RAB3C: variants seen among roughly 807,000 people sequenced by gnomAD.
The protein encoded by RAB3C is ras-related protein Rab-3C.
In RAB3C, 17 loss-of-function variants were observed where a neutral mutation model predicts 26.4. The ratio of observed to expected loss-of-function variants is 0.64; its 90% CI spans 0.44 to 0.97. The LOEUF is 0.97. RAB3C is among the 50% of genes least tolerant of loss of function. RAB3C has a pLI of 0.00. For missense variants in RAB3C, 242 were observed against 281.9 expected (o/e 0.86, Z 1.01); for synonymous variants, 91 against 95.9 (o/e 0.95, Z 0.30).
chr5:58,767,492 C>A (rs1741930585), intron 3 of RAB3C, among the ~76,000 whole-genome samples: 1 of 152,154 alleles, frequency 6.6e-6, no homozygotes, highest in Admixed American at 6.5e-5. Flanking sequence ...AAATCACAGT[C>A]CTTGCTGAAT....
At chr5:58,633,906 G>A (rs1747236543) in intron 2 of RAB3C, among the ~76,000 whole-genome samples, 1 of 151,998 alleles carries the variant, frequency 6.6e-6, no homozygotes, top group Non-Finnish European at 1.5e-5. Context: ...GCCGAGGTGG[G>A]CGGATCATGA....
intron 4 of RAB3C, among the ~76,000 whole-genome samples, chr5:58,842,905 T>C (rs1348225106): frequency 6.6e-6 from 1 of 152,186 alleles, no homozygotes; most frequent in Non-Finnish European, 1.5e-5. Context: ...TTAGAAAGGA[T>C]AAGAAATCCC....
intron 3 of RAB3C, among the ~76,000 whole-genome samples, chr5:58,805,540 G>A (rs565901451): frequency 1.1e-4 from 16 of 140,364 alleles, no homozygotes; most frequent in South Asian, 4.5e-4. Context: ...AGCTGAGATC[G>A]CGCCACTGCA....
intron 1 of RAB3C, among the ~76,000 whole-genome samples, chr5:58,605,179 C>G (rs946121748): frequency 1.4e-4 from 21 of 152,164 alleles, no homozygotes; most frequent in African/African-American, 4.8e-4. Context: ...CTCCTGGGTC[C>G]TGCAGGAGCA....
chr5:58,793,501 G>A (rs1222376513), intron 3 of RAB3C, among the ~76,000 whole-genome samples: 1 of 145,382 alleles, frequency 6.9e-6, no homozygotes, highest in African/African-American at 2.6e-5. Flanking sequence ...AGGTTGCAGT[G>A]AGCCAAGATC....
intron 3 of RAB3C, among the ~76,000 whole-genome samples, chr5:58,781,937 T>A (rs558505077): frequency 6.6e-5 from 10 of 152,304 alleles, no homozygotes; most frequent in Admixed American, 6.5e-4. Flanking sequence ...TACATAAATT[T>A]TTTTTTGATT....
Position 58,734,766 on chromosome 5 carries a change from C to CA in RAB3C, c.371+8652dup, listed in dbSNP as rs112816825. 6.2e-3 allele frequency among the ~76,000 whole-genome samples: 949 copies of CA among 152,252 alleles called. 7 individuals carry two copies. The highest frequency in any genetic ancestry group is 0.02 in the African/African-American group (842 of 41,558). ...TTCTCAGACTGCACACCCAGTTCTT[C>CA]AAAAAATACTGTTATATCTTGGGTC... On this transcript the variant is annotated intron_variant, in intron 3 of 4. Transcript: ENST00000282878.
At chr5:58,795,343 T>C (rs1350820659) in intron 3 of RAB3C, among the ~76,000 whole-genome samples, 1 of 152,156 alleles carries the variant, frequency 6.6e-6, no homozygotes, top group East Asian at 1.9e-4. Flanking sequence ...TAGAATACTA[T>C]GGGTTTCCCA....
intron 3 of RAB3C, among the ~76,000 whole-genome samples, chr5:58,811,699 AC>A (rs1743094982): frequency 6.9e-6 from 1 of 145,230 alleles, no homozygotes; most frequent in African/African-American, 2.6e-5. Flanking sequence ...ACCATGTCCC[AC>A]CCCCTTTCTC....
rs950300126 is a variant in RAB3C at position 58,856,167 on chromosome 5, G to A, written c.*4816G>A. On this transcript the variant is annotated 3_prime_UTR_variant, in exon 5 of 5. Transcript: ENST00000282878. Reference sequence around the variant, plus strand: ...AAAAGGGAGCTTTTACTATGTTCCAGCTATAACTCACATCTTACTTATAAG... The same window carrying A: ...AAAAGGGAGCTTTTACTATGTTCCAACTATAACTCACATCTTACTTATAAG... 2.6e-5 allele frequency: 4 copies of A among 152,006 alleles called. No homozygotes were observed. The highest frequency in any genetic ancestry group is 9.6e-5 in the African/African-American group (4 of 41,454). 9.4% of individuals were successfully genotyped at this position (152,006 alleles called of 1,614,324 possible). A position where few individuals can be genotyped will look rare whatever the true frequency, so the allele number is the denominator to read the frequency against.
At chr5:58,757,735 T>A (rs1741705603) in intron 3 of RAB3C, among the ~76,000 whole-genome samples, 1 of 152,248 alleles carries the variant, frequency 6.6e-6, no homozygotes, top group East Asian at 1.9e-4. Context: ...GTTTAAAACA[T>A]GCTAGTATCT....
chr5:58,606,565 T>G (rs1261331389), intron 1 of RAB3C, among the ~76,000 whole-genome samples: 2 of 152,152 alleles, frequency 1.3e-5, no homozygotes, highest in Non-Finnish European at 2.9e-5. Context: ...GGGTTTGAGC[T>G]CTGAGAATGG....
chr5:58,655,214 G>A (rs1747742278), intron 2 of RAB3C, among the ~76,000 whole-genome samples: 1 of 152,076 alleles, frequency 6.6e-6, no homozygotes, highest in African/African-American at 2.4e-5. Context: ...AAACCTCAGG[G>A]AATACTTTAG....
intron 1 of RAB3C, among the ~76,000 whole-genome samples, chr5:58,591,173 G>A (rs1490862971): frequency 2.0e-5 from 3 of 152,116 alleles, no homozygotes; most frequent in Non-Finnish European, 4.4e-5. Flanking sequence ...CATGTGGACT[G>A]ACTTTATGAA....
At chr5:58,810,383 CTCTGTGTGTGTG>C (rs1162469762) in intron 3 of RAB3C, among the ~76,000 whole-genome samples, 2 of 145,732 alleles carry the variant, frequency 1.4e-5, no homozygotes, top group African/African-American at 5.0e-5. Flanking sequence ...CTCTCTCTCT[CTCTGTGTGTGTG>C]TGTGTGTGTG....
intron 3 of RAB3C, among the ~76,000 whole-genome samples, chr5:58,760,425 C>T (rs1741773354): frequency 6.6e-6 from 1 of 152,146 alleles, no homozygotes; most frequent in African/African-American, 2.4e-5. Flanking sequence ...TTAAAAGTGC[C>T]TACACCATAG....
chr5:58,712,408 T>G (rs920409723), intron 2 of RAB3C, among the ~76,000 whole-genome samples: 1 of 152,210 alleles, frequency 6.6e-6, no homozygotes, highest in Non-Finnish European at 1.5e-5. Context: ...ATTTTTGCTT[T>G]GTATCAATTT....
rs1033576080 is a variant in RAB3C at position 58,707,630 on chromosome 5, T to G, written c.253-18372T>G. On this transcript the variant is annotated intron_variant, in intron 2 of 4. Transcript: ENST00000282878. ...GCCCTAGAATTCCTGCTCTTAACAA[T>G]TATCCCACGTTGATCAGACTGCCAG... is the stretch of plus-strand genomic sequence containing the variant. Among the ~76,000 whole-genome samples, 3 of 152,126 alleles carry G rather than the reference T, an allele frequency of 2.0e-5. No homozygotes were observed. In the South Asian group the frequency reaches 6.2e-4, roughly 32 times the overall value.
Position 58,855,064 on chromosome 5 carries a change from G to A in RAB3C, c.*3713G>A, listed in dbSNP as rs1385731714. ...TCCATGAAGCAACATTAATTTTAGA[G>A]CATGGTAGTCCATAATCAGTGGTTC... On this transcript the variant is annotated 3_prime_UTR_variant, in exon 5 of 5. Transcript: ENST00000282878. 2 of 152,046 alleles carry A rather than the reference G, an allele frequency of 1.3e-5. No individual in the cohort carries two copies. The highest frequency in any genetic ancestry group is 3.9e-4 in the East Asian group (2 of 5,188). 9.4% of individuals were successfully genotyped at this position (152,046 alleles called of 1,614,324 possible). A position where few individuals can be genotyped will look rare whatever the true frequency, so the allele number is the denominator to read the frequency against.
Sources: gnomAD v4.1 joint callset for allele counts (sites outside exome capture counted in the v4.1 genomes callset) on GRCh38, gnomAD v4.1.1 for gene constraint, MANE v1.5 for transcripts, NCBI Gene and HGNC (gene_info 2026-07-23, HGNC 2026-07-21) for gene names.